PRICKLE1: variants seen among roughly 807,000 people sequenced by gnomAD.
PRICKLE1 encodes prickle planar cell polarity protein 1.
In PRICKLE1, 14 loss-of-function variants were observed where a neutral mutation model predicts 70.2. The observed-to-expected ratio is 0.20, with a 90% CI of 0.13 to 0.31. The LOEUF is 0.31. PRICKLE1 is among the 10% of genes least tolerant of loss of function. The pLI, the probability that PRICKLE1 is intolerant of heterozygous loss-of-function variation, is 1.00. For synonymous variants in PRICKLE1, 357 were observed against 379.9 expected (o/e 0.94, Z 0.70); for missense variants, 821 against 1,026.2 (o/e 0.80, Z 2.73).
intron 1 of PRICKLE1, among the ~76,000 whole-genome samples, chr12:42,581,736 G>A (rs1940904377): frequency 6.9e-6 from 1 of 145,560 alleles, no homozygotes. Context: ...GACAGAAGGA[G>A]ACTCCATCTC....
chr12:42,501,759 A>G (rs1230704372), intron 1 of PRICKLE1, among the ~76,000 whole-genome samples: 1 of 152,216 alleles, frequency 6.6e-6, no homozygotes, highest in Non-Finnish European at 1.5e-5. Context: ...CTTAGGGAGA[A>G]TAAATATGAT....
intron 3 of PRICKLE1, chr12:42,469,814 G>A: frequency 1.7e-6 from 1 of 572,800 alleles, no homozygotes; most frequent in Non-Finnish European, 3.0e-6. Flanking sequence ...ATGTTTAATT[G>A]AAAACCCTTA....
chr12:42,532,724 C>T (rs993504252), intron 1 of PRICKLE1, among the ~76,000 whole-genome samples: 2 of 151,994 alleles, frequency 1.3e-5, no homozygotes, highest in African/African-American at 4.8e-5. Flanking sequence ...GGTGAAACCC[C>T]GTCTCTACTA....
intron 1 of PRICKLE1, among the ~76,000 whole-genome samples, chr12:42,539,543 T>C (rs1940073214): frequency 6.6e-6 from 1 of 152,144 alleles, no homozygotes; most frequent in South Asian, 2.1e-4. Flanking sequence ...TATTTTACCC[T>C]GAAATAGAGA....
chr12:42,547,143 C>T (rs956515441), intron 1 of PRICKLE1, among the ~76,000 whole-genome samples: 4 of 152,088 alleles, frequency 2.6e-5, no homozygotes, highest in African/African-American at 9.7e-5. Context: ...AAGTTATTTC[C>T]CTGATAAATC....
chr12:42,537,610 A>G (rs988820376), intron 1 of PRICKLE1, among the ~76,000 whole-genome samples: 1 of 152,252 alleles, frequency 6.6e-6, no homozygotes, highest in African/African-American at 2.4e-5. Context: ...ATCATTCAAC[A>G]AATATTTAAT....
At chr12:42,492,628 C>T (rs953262583) in intron 1 of PRICKLE1, among the ~76,000 whole-genome samples, 5 of 152,240 alleles carry the variant, frequency 3.3e-5, no homozygotes, top group Admixed American at 3.3e-4. Flanking sequence ...GACTGGTTTA[C>T]AAGCTTTAAT....
At chr12:42,483,929 T>A (rs1160737072) in intron 1 of PRICKLE1, 1 of 136,930 alleles carries the variant, frequency 7.3e-6, no homozygotes, top group African/African-American at 2.8e-5. Context: ...GATCCTCCTC[T>A]GCGGGGAGAA....
Position 42,523,048 on chromosome 12 carries a change from G to A in PRICKLE1, c.-48-50484C>T, listed in dbSNP as rs184486924. 1.0e-3 allele frequency among the ~76,000 whole-genome samples: 150 copies of A among 149,800 alleles called. 1 individual carries two copies. The East Asian group carries it at 0.02, about 20-fold the overall frequency. On this transcript the variant is annotated intron_variant, in intron 1 of 7. Transcript: ENST00000345127. ...ACGATCTCGGCTCACTGCAACCACC[G>A]CCTCCTGGGTTCACACCATTCTCCT... is the stretch of plus-strand genomic sequence containing the variant.
intron 1 of PRICKLE1, among the ~76,000 whole-genome samples, chr12:42,484,783 T>G (rs1938941371): frequency 6.6e-6 from 1 of 151,954 alleles, no homozygotes; most frequent in Non-Finnish European, 1.5e-5. Flanking sequence ...ACAGAAAGGG[T>G]CAAGAGAAGC....
At chr12:42,573,563 G>GTATTAT (rs745830264) in intron 1 of PRICKLE1, among the ~76,000 whole-genome samples, 4 of 151,764 alleles carry the variant, frequency 2.6e-5, no homozygotes, top group East Asian at 3.9e-4. Flanking sequence ...GATTCTTTTT[G>GTATTAT]TATTATTATT....
intron 1 of PRICKLE1, among the ~76,000 whole-genome samples, chr12:42,544,171 C>T (rs899116815): frequency 4.6e-5 from 7 of 152,176 alleles, no homozygotes; most frequent in Admixed American, 4.6e-4. Flanking sequence ...CAAGGGTCAA[C>T]ATTGCTGCCC....
chr12:42,558,844 G>A (rs1421324374), intron 1 of PRICKLE1, among the ~76,000 whole-genome samples: 1 of 152,158 alleles, frequency 6.6e-6, no homozygotes, highest in African/African-American at 2.4e-5. Flanking sequence ...TGTTCAAAGA[G>A]CAAGTATATG....
At chr12:42,482,915 GC>G (rs1219954523) in intron 1 of PRICKLE1, 1 of 152,134 alleles carries the variant, frequency 6.6e-6, no homozygotes, top group Non-Finnish European at 1.5e-5. Context: ...CGCCCCCTGG[GC>G]CCCGCAAACT....
At chr12:42,479,090 T>C (rs142132877) in intron 1 of PRICKLE1, among the ~76,000 whole-genome samples, 2 of 152,226 alleles carry the variant, frequency 1.3e-5, no homozygotes, top group African/African-American at 2.4e-5. Context: ...GGTCTAAGGA[T>C]GTTTTAAAAC....
chr12:42,535,167 A>G (rs1474740185), intron 1 of PRICKLE1, among the ~76,000 whole-genome samples: 1 of 152,192 alleles, frequency 6.6e-6, no homozygotes, highest in Non-Finnish European at 1.5e-5. Flanking sequence ...ACTTTCCTGA[A>G]TTATTGAGGA....
chr12:42,580,045 G>A (rs374049726), intron 1 of PRICKLE1, among the ~76,000 whole-genome samples: 2 of 150,166 alleles, frequency 1.3e-5, no homozygotes, highest in South Asian at 4.2e-4. Context: ...CTAATTTTTT[G>A]TTTTTTTTTA....
intron 1 of PRICKLE1, among the ~76,000 whole-genome samples, chr12:42,553,493 T>C (rs1410073380): frequency 5.7e-5 from 7 of 122,262 alleles, no homozygotes; most frequent in Admixed American, 1.0e-4. Flanking sequence ...TTGTGTTGTG[T>C]TACTGAAAGG....
Position 42,517,306 on chromosome 12 carries a change from ATTT to A in PRICKLE1, c.-48-44745_-48-44743del, listed in dbSNP as rs71794718. 6.2e-3 allele frequency among the ~76,000 whole-genome samples: 547 copies of A among 88,920 alleles called. 5 individuals are homozygous for A. The highest frequency in any genetic ancestry group is 0.033 in the South Asian group (83 of 2,482). The allele number at this position is 88,920 out of a possible 152,430, so 58.3% of individuals were successfully genotyped here. On this transcript the variant is annotated intron_variant, in intron 1 of 7. Coordinates refer to ENST00000345127, the MANE Select transcript of PRICKLE1 (RefSeq NM_153026.3). ...ACTAAATGTGTGTACTCAGTCTGCC[ATTT>A]TTTTTTTTTTTTTTTTTTTTTGAGA... is the stretch of plus-strand genomic sequence containing the variant.
Sources: gnomAD v4.1 joint callset for allele counts (sites outside exome capture counted in the v4.1 genomes callset) on GRCh38, gnomAD v4.1.1 for gene constraint, MANE v1.5 for transcripts, NCBI Gene and HGNC (gene_info 2026-07-23, HGNC 2026-07-21) for gene names.